Variants in EVC observed in about 807,000 individuals in gnomAD.
EVC encodes the protein EvC ciliary complex subunit 1.
A neutral mutation model predicts 118.9 loss-of-function variants in EVC; 116 were observed. The observed-to-expected ratio is 0.98, with a 90% CI of 0.84 to 1.14. The LOEUF is 1.14. EVC is among the 50% of genes most tolerant of loss of function. The pLI, the probability that EVC is intolerant of heterozygous loss-of-function variation, is 0.00. For missense variants in EVC, 1,401 were observed against 1,246.4 expected, an observed-to-expected ratio of 1.12 and a Z score of -1.87; for synonymous variants, 619 against 534.7, an observed-to-expected ratio of 1.16 and a Z score of -2.18.
intron 11 of EVC, among the ~76,000 whole-genome samples, chr4:5,772,729 A>C (rs62297670): frequency 0.12 from 17,709 of 151,958 alleles, 1,600 homozygotes; most frequent in African/African-American, 0.25. Context: ...AACCTGGCCC[A>C]CTCATCACCC....
the EVC span, chr4:5,826,734 C>A: frequency 6.6e-6 from 1 of 152,478 alleles, no homozygotes; most frequent in African/African-American, 2.4e-5. Flanking sequence ...CCTAACCCAA[C>A]ACGGGGCTTC....
intron 1 of EVC, among the ~76,000 whole-genome samples, chr4:5,712,424 C>T (rs1470074868): frequency 6.6e-6 from 1 of 152,170 alleles, no homozygotes; most frequent in Non-Finnish European, 1.5e-5. Context: ...GCTTCCTATG[C>T]AAGTGGCCCT....
At position 5,731,517 on chromosome 4, in the gene EVC, C is replaced by G; in HGVS notation, c.477C>G (p.Ser159Arg). ...AGCCGGTAGAGGCCTCTCCTTCCAG[C>G]AGTCTGGGGAGCCTGAGCCAGGGTG... is the stretch of plus-strand genomic sequence containing the variant. ...PHQPVEASPSSSLGSLSQGEK... is the reference protein window; with the variant it reads ...PHQPVEASPSRSLGSLSQGEK... The change falls in exon 4 of 21, where the codon AGC becomes AGG. Residue 159 changes from serine to arginine, a missense_variant. By Grantham distance (110) the Ser-to-Arg change is moderately radical. Coordinates refer to ENST00000264956, the MANE Select transcript of EVC (RefSeq NM_153717.3). The surrounding 1 kb of genome is among the most constrained non-coding windows in gnomAD (Gnocchi z 5.6). The G allele has an allele frequency of 6.2e-7, 1 of 1,614,152 alleles. No homozygotes were observed. The highest frequency in any genetic ancestry group is 8.5e-7 in the Non-Finnish European group (1 of 1,180,026).
At chr4:5,729,673 G>A (rs1048461292) in intron 3 of EVC, among the ~76,000 whole-genome samples, 6 of 152,070 alleles carry the variant, frequency 3.9e-5, no homozygotes, top group African/African-American at 9.7e-5. Flanking sequence ...CACTGATACC[G>A]ACTCAGTTCT....
At chr4:5,792,958 C>T (rs951495575) in intron 12 of EVC, among the ~76,000 whole-genome samples, 5 of 152,058 alleles carry the variant, frequency 3.3e-5, no homozygotes, top group South Asian at 4.1e-4. Context: ...CCAAAGATGG[C>T]GATTCTCTCC....
At chr4:5,740,332 G>A (rs953658772) in intron 5 of EVC, among the ~76,000 whole-genome samples, 4 of 151,946 alleles carry the variant, frequency 2.6e-5, no homozygotes, top group African/African-American at 7.3e-5. Context: ...TTAGCCGGGT[G>A]TGGTGGCACA....
At chr4:5,757,383 T>C (rs1731328846) in intron 11 of EVC, among the ~76,000 whole-genome samples, 1 of 152,038 alleles carries the variant, frequency 6.6e-6, no homozygotes, top group Admixed American at 6.5e-5. Context: ...GCTCATGCAG[T>C]GGTGGGAAGT....
At chr4:5,819,066 A>G (rs953255205), downstream of EVC, among the ~76,000 whole-genome samples, 2 of 152,204 alleles carry the variant, frequency 1.3e-5, no homozygotes, top group Admixed American at 6.5e-5. Context: ...TCTTTGCAAT[A>G]AATGGTGTTG....
intron 6 of EVC, among the ~76,000 whole-genome samples, chr4:5,744,487 C>T (rs1479548645): frequency 1.3e-5 from 2 of 152,192 alleles, no homozygotes; most frequent in Non-Finnish European, 2.9e-5. Flanking sequence ...CCTTTTCCTT[C>T]CTGAGTTCAG....
In EVC at chr4:5,797,062, C is replaced by G. The variant is rs749653724; in HGVS notation, c.1927C>G (p.Arg643Gly). 3 of 1,613,428 alleles carry G rather than the reference C, an allele frequency of 1.9e-6. No individual in the cohort carries two copies. The highest frequency in any genetic ancestry group is 2.5e-6 in the Non-Finnish European group (3 of 1,179,980). Reference protein sequence around the residue: ...CVLQGHDLLLRSALRRLALRG... With the variant: ...CVLQGHDLLLGSALRRLALRG... ...CCTGCAGGGGCATGACCTGCTGTTG[C>G]GCTCAGCCCTCCGGAGGCTGGCACT... Residue 643 changes from arginine (R) to glycine (G), a missense_variant, in exon 14 of 21, where the codon CGC (arginine) becomes GGC (glycine). Coordinates refer to ENST00000264956, the MANE Select transcript of EVC (RefSeq NM_153717.3).
At chr4:5,799,359 T>C (rs561349825) in intron 15 of EVC, among the ~76,000 whole-genome samples, 1 of 152,238 alleles carries the variant, frequency 6.6e-6, no homozygotes, top group African/African-American at 2.4e-5. Flanking sequence ...TAAGTCTAAC[T>C]AAGTGCTTCT....
chr4:5,775,908 C>G (rs1400168579), intron 11 of EVC, among the ~76,000 whole-genome samples: 4 of 152,120 alleles, frequency 2.6e-5, no homozygotes, highest in Admixed American at 1.3e-4. Flanking sequence ...AATATCAAGT[C>G]TTCCAATCAA....
In EVC at chr4:5,756,505, C is replaced by T. The variant is rs1461066235; in HGVS notation, c.1563+143C>T. On this transcript the variant is annotated intron_variant, in intron 11 of 20. Coordinates refer to ENST00000264956, the MANE Select transcript of EVC (RefSeq NM_153717.3). The surrounding 1 kb of genome is among the most constrained non-coding windows in gnomAD (Gnocchi z 4.2). ...GGCCGGTGATCCACGCAGGCTGTGT[C>T]CCCTCCATGCGATCCTCCTTGCCCA... The T allele has an allele frequency of 6.9e-6, 5 of 722,070 alleles. No homozygotes were observed. Among genetic ancestry groups the T allele is most frequent in the Admixed American group, 6.1e-5 (3 of 48,860 alleles). The allele number at this position is 722,070 out of a possible 1,614,324, so 44.7% of individuals were successfully genotyped here.
At chr4:5,808,877 T>C (rs1364174668) in intron 18 of EVC, among the ~76,000 whole-genome samples, 2 of 152,198 alleles carry the variant, frequency 1.3e-5, no homozygotes, top group Non-Finnish European at 2.9e-5. Context: ...TCTTCCAGAA[T>C]GGAAGCATTT....
chr4:5,810,586 A>C (rs778887694), intron 20 of EVC, 136 bp downstream of exon 20: 1 of 742,850 alleles, frequency 1.3e-6, no homozygotes, highest in Admixed American at 2.1e-5. Flanking sequence ...GAAATGACAG[A>C]TATGAACGTA....
intron 9 of EVC, 86 bp downstream of exon 9, chr4:5,753,138 G>C: frequency 1.5e-6 from 2 of 1,304,790 alleles, no homozygotes; most frequent in Non-Finnish European, 1.1e-6. Context: ...GGCAGCCTGG[G>C]GCAGTGTGCC....
At chr4:5,721,935 A>C (rs543001423) in intron 2 of EVC, among the ~76,000 whole-genome samples, 1 of 152,236 alleles carries the variant, frequency 6.6e-6, no homozygotes, top group African/African-American at 2.4e-5. Context: ...ACTATGAAAT[A>C]GTATACATGA....
chr4:5,794,014 C>T (rs1298535001), intron 13 of EVC, among the ~76,000 whole-genome samples: 1 of 151,482 alleles, frequency 6.6e-6, no homozygotes, highest in African/African-American at 2.4e-5. Context: ...AGAGTTCTAC[C>T]CCATCACCAC....
At chr4:5,730,311 T>C (rs1197159955) in intron 3 of EVC, among the ~76,000 whole-genome samples, 1 of 152,156 alleles carries the variant, frequency 6.6e-6, no homozygotes, top group East Asian at 1.9e-4. Flanking sequence ...CCAAAGCCTA[T>C]TGGAGGTTCT....
Sources: allele counts gnomAD v4.1 joint callset (sites outside exome capture counted in the v4.1 genomes callset), GRCh38; gene constraint gnomAD v4.1.1; non-coding constraint Gnocchi (gnomAD v3.1); transcripts MANE v1.5; gene names NCBI Gene and HGNC (gene_info 2026-07-23, HGNC 2026-07-21).